The following DGKB variants were observed in gnomAD, a reference collection of about 807,000 sequenced individuals.
The protein encoded by DGKB is 90 kDa diacylglycerol kinase.
A neutral mutation model predicts 114.3 loss-of-function variants in DGKB; 67 were observed. That is an observed-to-expected ratio of 0.59 (90% CI 0.48 to 0.72). The LOEUF (loss-of-function observed/expected upper bound fraction) is 0.72, where lower values mean the gene tolerates loss of function less well. Among genes scored for constraint, DGKB ranks in the 30% least tolerant of loss-of-function variants. DGKB has a pLI of 0.00. For synonymous variants in DGKB, 398 were observed against 323.1 expected, an observed-to-expected ratio of 1.23 and a Z score of -2.49; for missense variants, 907 against 975.2, an observed-to-expected ratio of 0.93 and a Z score of 0.93.
At chr7:14,617,636 A>G (rs1345780752) in intron 15 of DGKB, among the ~76,000 whole-genome samples, 1 of 151,646 alleles carries the variant, frequency 6.6e-6, no homozygotes, top group Non-Finnish European at 1.5e-5. Context: ...ACTCAGATCA[A>G]AAGTCAGTCT....
intron 16 of DGKB, 118 bp downstream of exon 16, chr7:14,613,222 T>G: frequency 1.6e-6 from 1 of 623,740 alleles, no homozygotes; most frequent in Non-Finnish European, 2.8e-6. Flanking sequence ...TAGCATCATT[T>G]ATTTTGCATT....
At position 14,292,308 on chromosome 7, in the gene DGKB, C is replaced by T. The variant is rs79920551; in HGVS notation, c.2122+46207G>A. Reference sequence around the variant, plus strand: ...CGGGGTCTTCTCTTGCAAAATGGCGCTGCATGGTCAGCACTGACTCAGAAT... The same window carrying T: ...CGGGGTCTTCTCTTGCAAAATGGCGTTGCATGGTCAGCACTGACTCAGAAT... On this transcript the variant is annotated intron_variant, in intron 23 of 25. Coordinates refer to ENST00000402815, the MANE Select transcript of DGKB (RefSeq NM_001350709.2). Among the ~76,000 whole-genome samples, 297 of 152,214 alleles carry T rather than the reference C, an allele frequency of 2.0e-3. 3 individuals carry two copies. The highest frequency in any genetic ancestry group is 6.7e-3 in the African/African-American group (277 of 41,548).
chr7:14,177,885 T>G (rs80146344), intron 24 of DGKB, 146 bp downstream of exon 24: 1 of 816,870 alleles, frequency 1.2e-6, no homozygotes, highest in African/African-American at 1.8e-5. Flanking sequence ...TCTGCCAATG[T>G]CCATTATTTT....
chr7:14,524,991 G>C (rs1032467206), intron 20 of DGKB, among the ~76,000 whole-genome samples: 2 of 143,720 alleles, frequency 1.4e-5, no homozygotes, highest in Non-Finnish European at 3.0e-5. Flanking sequence ...GAATAAAATT[G>C]ACACACTGTT....
intron 21 of DGKB, among the ~76,000 whole-genome samples, chr7:14,346,824 A>C (rs529805633): frequency 6.6e-6 from 1 of 152,156 alleles, no homozygotes; most frequent in South Asian, 2.1e-4. Context: ...GATGAAAAAC[A>C]TATCATTCTA....
chr7:14,526,977 T>A (rs2128581573), intron 20 of DGKB, among the ~76,000 whole-genome samples: 1 of 152,284 alleles, frequency 6.6e-6, no homozygotes, highest in Non-Finnish European at 1.5e-5. Context: ...TATGTTTAAT[T>A]CATTTATTTA....
At chr7:14,391,037 T>C (rs1170469275) in intron 21 of DGKB, among the ~76,000 whole-genome samples, 1 of 152,172 alleles carries the variant, frequency 6.6e-6, no homozygotes, top group Admixed American at 6.5e-5. Flanking sequence ...AAATCTTTTA[T>C]GGGGAAAAAT....
chr7:14,597,769 G>T (rs556312075), intron 17 of DGKB, among the ~76,000 whole-genome samples: 31 of 152,000 alleles, frequency 2.0e-4, no homozygotes, highest in African/African-American at 7.2e-4. Context: ...TATTATTTTG[G>T]TCCAGAAGGT....
At chr7:14,297,661 C>A (rs1320625378) in intron 23 of DGKB, among the ~76,000 whole-genome samples, 3 of 152,294 alleles carry the variant, frequency 2.0e-5, no homozygotes, top group African/African-American at 7.2e-5. Flanking sequence ...AGGATGCCCT[C>A]TCTCACCACT....
At chr7:14,264,966 C>T (rs766591200) in intron 23 of DGKB, among the ~76,000 whole-genome samples, 22 of 152,070 alleles carry the variant, frequency 1.4e-4, no homozygotes, top group Admixed American at 1.2e-3. Flanking sequence ...TTTGCTGTAA[C>T]ATAAATAAAA....
intron 13 of DGKB, among the ~76,000 whole-genome samples, chr7:14,637,635 T>C (rs1217947295): frequency 1.3e-5 from 2 of 151,288 alleles, no homozygotes; most frequent in Non-Finnish European, 3.0e-5. Context: ...CATATATACA[T>C]ATATATATAT....
rs139473406 is a variant in DGKB at position 14,467,199 on chromosome 7, C to T, written c.1835+10962G>A. Reference sequence around the variant, plus strand: ...ATTTATATAATTATTTTATTACTTACTGTTTTTAAATATTTTATTACATAC... The same window carrying T: ...ATTTATATAATTATTTTATTACTTATTGTTTTTAAATATTTTATTACATAC... On this transcript the variant is annotated intron_variant, in intron 21 of 25. Coordinates refer to ENST00000402815, the MANE Select transcript of DGKB (RefSeq NM_001350709.2). Among the ~76,000 whole-genome samples the T allele has an allele frequency of 3.5e-4, 52 of 149,040 alleles. 1 individual carries two copies. In the East Asian group the frequency reaches 9.9e-3, roughly 29 times the overall value.
At chr7:14,728,138 A>G (rs112846515) in intron 5 of DGKB, among the ~76,000 whole-genome samples, 23 of 152,296 alleles carry the variant, frequency 1.5e-4, no homozygotes, top group African/African-American at 5.5e-4. Context: ...CAAATTAACC[A>G]TTGCCTCATC....
intron 1 of DGKB, among the ~76,000 whole-genome samples, chr7:14,924,000 AAAAAGC>A (rs1472830084): frequency 2.2e-5 from 3 of 138,590 alleles, no homozygotes; most frequent in Non-Finnish European, 5.0e-5. Context: ...AAAAAAAAAA[AAAAAGC>A]TTTGTCCTAT....
intron 13 of DGKB, among the ~76,000 whole-genome samples, chr7:14,642,202 CTTT>C (rs1260781947): frequency 6.6e-5 from 10 of 151,878 alleles, no homozygotes; most frequent in Non-Finnish European, 1.3e-4. Flanking sequence ...TTTCTTAATT[CTTT>C]TGTTTCTTTC....
intron 25 of DGKB, among the ~76,000 whole-genome samples, chr7:14,168,685 T>C (rs898407962): frequency 6.6e-6 from 1 of 152,238 alleles, no homozygotes; most frequent in Non-Finnish European, 1.5e-5. Flanking sequence ...AGATGAAATT[T>C]AAAAATGCTT....
At chr7:14,547,955 A>G (rs1302732723) in intron 20 of DGKB, among the ~76,000 whole-genome samples, 1 of 152,338 alleles carries the variant, frequency 6.6e-6, no homozygotes, top group East Asian at 1.9e-4. Flanking sequence ...ATTCTTCAGC[A>G]CACATTACAC....
chr7:14,360,243 CA>C (rs2128628255), intron 21 of DGKB, among the ~76,000 whole-genome samples: 1 of 152,036 alleles, frequency 6.6e-6, no homozygotes, highest in African/African-American at 2.4e-5. Context: ...TGTTCTCACT[CA>C]CAGGTGGGAA....
chr7:14,950,836 T>C (rs1286098658), intron 1 of DGKB, among the ~76,000 whole-genome samples: 1 of 146,982 alleles, frequency 6.8e-6, no homozygotes, highest in Non-Finnish European at 1.5e-5. Context: ...TCAATACAAA[T>C]ATCCTCAACT....
Sources: allele counts gnomAD v4.1 joint callset (sites outside exome capture counted in the v4.1 genomes callset), GRCh38; gene constraint gnomAD v4.1.1; transcripts MANE v1.5; gene names NCBI Gene and HGNC (gene_info 2026-07-23, HGNC 2026-07-21).